The following MBP variants were observed in gnomAD, a reference collection of about 807,000 sequenced individuals.
The protein encoded by MBP is Golli-MBP.
A neutral mutation model predicts 35.8 loss-of-function variants in MBP; 16 were observed. The ratio of observed to expected loss-of-function variants is 0.45; its 90% confidence interval spans 0.30 to 0.68. The LOEUF (loss-of-function observed/expected upper bound fraction) is 0.68. Among genes scored for constraint, MBP ranks in the 30% least tolerant of loss-of-function variants. MBP has a pLI of 0.08. For missense variants in MBP, 380 were observed against 404.7 expected (o/e 0.94, Z 0.52); for synonymous variants, 143 against 159.6 (o/e 0.90, Z 0.78).
At chr18:77,104,736 T>TAA in intron 2 of MBP, among the ~76,000 whole-genome samples, 1 of 152,130 alleles carries the variant, frequency 6.6e-6, no homozygotes, top group East Asian at 1.9e-4. Flanking sequence ...ATAAAAATGT[T>TAA]AAAAAAAATC....
intron 3 of MBP, among the ~76,000 whole-genome samples, chr18:77,061,050 C>T (rs1332388124): frequency 6.6e-6 from 1 of 152,216 alleles, no homozygotes; most frequent in Non-Finnish European, 1.5e-5. Context: ...AAATGCCTAT[C>T]AAAGTCCTGG....
At chr18:77,088,692 C>G (rs1370493694) in intron 2 of MBP, among the ~76,000 whole-genome samples, 3 of 152,044 alleles carry the variant, frequency 2.0e-5, no homozygotes, top group African/African-American at 7.2e-5. Context: ...TACAAAAGAT[C>G]AGTAGGATAA....
chr18:77,014,848 T>TAA (rs1971540768), intron 4 of MBP: 5 of 985,346 alleles, frequency 5.1e-6, no homozygotes, highest in Non-Finnish European at 6.0e-6. Flanking sequence ...GCCTGTTCAT[T>TAA]AAAAAATCTT....
At chr18:77,049,985 G>C (rs1973419971) in intron 3 of MBP, among the ~76,000 whole-genome samples, 1 of 152,054 alleles carries the variant, frequency 6.6e-6, no homozygotes, top group African/African-American at 2.4e-5. Context: ...CACCCCTAAT[G>C]ATCATTTTAA....
intron 4 of MBP, chr18:77,009,966 G>A: frequency 7.0e-7 from 1 of 1,425,090 alleles, no homozygotes. Context: ...AGTCCGGGTG[G>A]GCGCCGCCGG....
At position 77,070,288 on chromosome 18, in the gene MBP, C is replaced by A. The variant is rs1037087923; in HGVS notation, c.52-3903G>T. On this transcript the variant is annotated intron_variant, in intron 2 of 8. Coordinates refer to ENST00000355994, the MANE Select transcript of MBP (RefSeq NM_001025101.2). Reference sequence around the variant, plus strand: ...AAACGGAACCTGTGACTGCACGTGTCGACACGCATTTCAAGCAAGGGTGCC... The same window carrying A: ...AAACGGAACCTGTGACTGCACGTGTAGACACGCATTTCAAGCAAGGGTGCC... Among the ~76,000 whole-genome samples the A allele has an allele frequency of 3.9e-5, 6 of 152,276 alleles. 1 individual carries two copies. The South Asian group carries it at 1.2e-3, about 32-fold the overall frequency.
intron 8 of MBP, 122 bp downstream of exon 8, chr18:76,984,651 CAG>C: frequency 7.3e-7 from 1 of 1,370,288 alleles, no homozygotes; most frequent in Non-Finnish European, 1.0e-6. Context: ...CCTGCTGGGA[CAG>C]AGCACGTCCA....
chr18:77,103,181 G>A (rs565199755), intron 2 of MBP, among the ~76,000 whole-genome samples: 1 of 152,290 alleles, frequency 6.6e-6, no homozygotes, highest in African/African-American at 2.4e-5. Context: ...TTACTCATGT[G>A]GCTGACATAG....
At chr18:77,027,336 CT>C (rs1476834508) in intron 3 of MBP, among the ~76,000 whole-genome samples, 6 of 152,362 alleles carry the variant, frequency 3.9e-5, no homozygotes, top group Admixed American at 3.3e-4. Context: ...TGTAGGGTTG[CT>C]TTTTGATCTG....
chr18:77,057,919 C>T (rs1433283078), intron 3 of MBP, among the ~76,000 whole-genome samples: 3 of 16,670 alleles, frequency 1.8e-4, no homozygotes, highest in Admixed American at 5.8e-4. Flanking sequence ...CTCCGCCTCC[C>T]GGGTTCACGC....
chr18:77,096,254 T>C (rs1040950363), intron 2 of MBP, among the ~76,000 whole-genome samples: 1 of 152,226 alleles, frequency 6.6e-6, no homozygotes. Flanking sequence ...CTGAATTGCT[T>C]CAATGCCTTT....
intron 4 of MBP, among the ~76,000 whole-genome samples, chr18:76,997,611 G>C (rs1177253884): frequency 6.6e-6 from 1 of 152,234 alleles, no homozygotes; most frequent in African/African-American, 2.4e-5. Context: ...CCAGGAGCAC[G>C]CCTCGGTGTC....
chr18:77,097,800 G>A (rs77990711), intron 2 of MBP, among the ~76,000 whole-genome samples: 5,782 of 152,284 alleles, frequency 0.038, 387 homozygotes, highest in African/African-American at 0.13. Context: ...AGCTCTTTGT[G>A]GGATAAAGCT....
At chr18:76,991,817 A>G (rs551159592) in intron 4 of MBP, among the ~76,000 whole-genome samples, 1 of 152,310 alleles carries the variant, frequency 6.6e-6, no homozygotes, top group South Asian at 2.1e-4. Context: ...ATTTCCCTCC[A>G]GTCTGTCAGC....
chr18:77,127,015 A>T (rs931051186), intron 1 of MBP, among the ~76,000 whole-genome samples: 1 of 152,200 alleles, frequency 6.6e-6, no homozygotes, highest in Non-Finnish European at 1.5e-5. Flanking sequence ...AGGTTTTTGC[A>T]CCCATAAACG....
intron 2 of MBP, among the ~76,000 whole-genome samples, chr18:77,083,923 A>G (rs912161241): frequency 6.6e-6 from 1 of 152,202 alleles, no homozygotes; most frequent in African/African-American, 2.4e-5. Flanking sequence ...CTGTTGGGAT[A>G]GTTGCACGTA....
intron 3 of MBP, among the ~76,000 whole-genome samples, chr18:77,043,798 A>G (rs1973108704): frequency 6.6e-6 from 1 of 152,200 alleles, no homozygotes; most frequent in Non-Finnish European, 1.5e-5. Flanking sequence ...GATGCAGGAC[A>G]CGCAGGAGCT....
At chr18:76,986,600 G>A (rs1385339404) in intron 7 of MBP, 5 of 985,512 alleles carry the variant, frequency 5.1e-6, no homozygotes, top group African/African-American at 1.7e-5. Flanking sequence ...GGGACGGGAT[G>A]TGTGGCAAGA....
intron 1 of MBP, chr18:77,114,290 T>C (rs772863172): frequency 3.3e-5 from 5 of 152,220 alleles, no homozygotes; most frequent in African/African-American, 1.2e-4. Flanking sequence ...CTGACTGTGG[T>C]CCCTTGAAGT....
Sources: allele counts gnomAD v4.1 joint callset (sites outside exome capture counted in the v4.1 genomes callset), GRCh38; gene constraint gnomAD v4.1.1; transcripts MANE v1.5; gene names NCBI Gene and HGNC (gene_info 2026-07-23, HGNC 2026-07-21).